Variants in SLC16A7 observed in about 807,000 individuals in gnomAD.
The protein encoded by SLC16A7 is solute carrier family 16 member 7, also known as monocarboxylate transporter 2.
SLC16A7 carries 33 observed loss-of-function variants against 34.9 expected under a neutral mutation model. The ratio of observed to expected loss-of-function variants is 0.94; its 90% CI spans 0.72 to 1.26. The LOEUF (loss-of-function observed/expected upper bound fraction) is 1.26. Ranked by LOEUF, SLC16A7 falls within the 50% of genes most tolerant of loss-of-function variation. SLC16A7 has a pLI of 0.00. For missense variants in SLC16A7, 573 were observed against 578.1 expected (o/e 0.99, Z 0.09); for synonymous variants, 201 against 206.6 (o/e 0.97, Z 0.23).
chr12:59,752,858 A>C (rs1472415957), intron 3 of SLC16A7, among the ~76,000 whole-genome samples: 1 of 152,258 alleles, frequency 6.6e-6, no homozygotes, highest in Non-Finnish European at 1.5e-5. Context: ...CCAGAGAGAA[A>C]GATCGGGTTA....
rs749765643 is a variant in SLC16A7 at position 59,771,241 on chromosome 12, GAATA to G, written c.245_248del (p.Lys82ThrfsTer7). 2.5e-6 allele frequency: 4 copies of G among 1,612,988 alleles called. No individual in the cohort carries two copies. Among genetic ancestry groups the G allele is most frequent in the Admixed American group, 1.7e-5 (1 of 59,876 alleles). On this transcript the variant is annotated frameshift_variant, in exon 4 of 6. Transcript: ENST00000547379. LOFTEE classifies it high-confidence loss of function. ...TAGGTCCTGTAAGTAGTGTTTTGGT[GAATA>G]AATACGGCAGCCGGCCGGTGGTGAT...
At chr12:59,672,528 T>C (rs1416655497) in intron 2 of SLC16A7, among the ~76,000 whole-genome samples, 1 of 151,982 alleles carries the variant, frequency 6.6e-6, no homozygotes, top group Non-Finnish European at 1.5e-5. Flanking sequence ...AGCAGGCTCA[T>C]TGTTTCACCA....
chr12:59,606,356 G>A (rs1878937324), intron 1 of SLC16A7, among the ~76,000 whole-genome samples: 1 of 152,184 alleles, frequency 6.6e-6, no homozygotes, highest in Non-Finnish European at 1.5e-5. Context: ...CCCTTTAGAT[G>A]TGATAGCGCA....
At chr12:59,762,962 A>G (rs759870329) in intron 3 of SLC16A7, among the ~76,000 whole-genome samples, 1 of 152,050 alleles carries the variant, frequency 6.6e-6, no homozygotes, top group Non-Finnish European at 1.5e-5. Context: ...AATTATTTTC[A>G]TGGGTTTAAG....
At chr12:59,744,243 AC>A (rs1014261576) in intron 3 of SLC16A7, among the ~76,000 whole-genome samples, 123 of 151,280 alleles carry the variant, frequency 8.1e-4, no homozygotes, top group African/African-American at 2.8e-3. Context: ...ACCACCCATA[AC>A]CCCCCACCCA....
At chr12:59,684,887 AG>A (rs1402619640) in intron 2 of SLC16A7, among the ~76,000 whole-genome samples, 1 of 152,134 alleles carries the variant, frequency 6.6e-6, no homozygotes, top group Non-Finnish European at 1.5e-5. Flanking sequence ...GGGGAGGCAA[AG>A]GGGGAAGAAA....
intron 2 of SLC16A7, among the ~76,000 whole-genome samples, chr12:59,669,767 A>G (rs1200590842): frequency 6.6e-6 from 1 of 152,166 alleles, no homozygotes; most frequent in East Asian, 1.9e-4. Context: ...AACCAAGCTT[A>G]AAGTCTCAGC....
intron 3 of SLC16A7, among the ~76,000 whole-genome samples, chr12:59,758,361 C>T (rs146414805): frequency 1.3e-5 from 2 of 152,146 alleles, no homozygotes; most frequent in African/African-American, 4.8e-5. Context: ...TGTATTTTCT[C>T]ATATGCTACT....
intron 1 of SLC16A7, among the ~76,000 whole-genome samples, chr12:59,604,595 A>G (rs923519279): frequency 6.6e-6 from 1 of 152,214 alleles, no homozygotes; most frequent in South Asian, 2.1e-4. Context: ...ACACTTCTAT[A>G]TTTAATACCT....
At chr12:59,651,701 C>G (rs1868345225) in intron 1 of SLC16A7, among the ~76,000 whole-genome samples, 1 of 152,156 alleles carries the variant, frequency 6.6e-6, no homozygotes. Flanking sequence ...AATGCCCTCA[C>G]ATTCTTCAAC....
chr12:59,659,263 A>T (rs1162724522), intron 2 of SLC16A7, among the ~76,000 whole-genome samples: 2 of 151,964 alleles, frequency 1.3e-5, no homozygotes, highest in Non-Finnish European at 2.9e-5. Context: ...ATATTTAAAA[A>T]TTTTTCTTAA....
Position 59,709,266 on chromosome 12 carries a change from G to A in SLC16A7, c.217+4248G>A, listed in dbSNP as rs539941008. Among the ~76,000 whole-genome samples the A allele has an allele frequency of 1.8e-3, 277 of 151,644 alleles. 4 individuals are homozygous for A. The highest frequency in any genetic ancestry group is 2.4e-3 in the Non-Finnish European group (166 of 67,988). ...TCAGCCATTCTGGAGAGAAGAATTG[G>A]CTTTGTCTCCATGGTAACTTATTTT... On this transcript the variant is annotated intron_variant, in intron 3 of 5. Transcript: ENST00000547379.
intron 1 of SLC16A7, among the ~76,000 whole-genome samples, chr12:59,633,788 C>T (rs1327019411): frequency 1.3e-5 from 2 of 151,950 alleles, no homozygotes; most frequent in Non-Finnish European, 2.9e-5. Context: ...AGGTGCTACA[C>T]TTTAAAACCA....
chr12:59,770,949 A>G (rs1882163009), intron 3 of SLC16A7, among the ~76,000 whole-genome samples: 1 of 152,152 alleles, frequency 6.6e-6, no homozygotes, highest in East Asian at 1.9e-4. Flanking sequence ...CTTTTCCATC[A>G]AGATTTGAAT....
At chr12:59,757,116 G>T (rs1880451940) in intron 3 of SLC16A7, among the ~76,000 whole-genome samples, 1 of 108,570 alleles carries the variant, frequency 9.2e-6, no homozygotes, top group Non-Finnish European at 1.7e-5. Context: ...TGGGGTGGGG[G>T]GAGGGGGGAG....
rs1386161483 is a variant in SLC16A7, at chr12:59,602,579, G to A, written c.-130+6343G>A. ...GCTCACTGCAACCACCACCTCCTGA[G>A]TTCAAGTGATTCTCCTGCCCCAGCC... On this transcript the variant is annotated intron_variant, in intron 1 of 5. Coordinates refer to ENST00000547379, the MANE Select transcript of SLC16A7 (RefSeq NM_001270623.2). Among the ~76,000 whole-genome samples the A allele has an allele frequency of 2.7e-5, 4 of 147,564 alleles. No homozygotes were observed. In the East Asian group the frequency reaches 8.2e-4, roughly 30 times the overall value.
chr12:59,691,266 G>A (rs1871614699), intron 2 of SLC16A7, among the ~76,000 whole-genome samples: 1 of 152,004 alleles, frequency 6.6e-6, no homozygotes, highest in African/African-American at 2.4e-5. Context: ...CAGCTCTGGA[G>A]CATCGATTCA....
chr12:59,740,429 G>C (rs1878172705), intron 3 of SLC16A7, among the ~76,000 whole-genome samples: 1 of 152,154 alleles, frequency 6.6e-6, no homozygotes, highest in Admixed American at 6.5e-5. Flanking sequence ...CCAGTACCAT[G>C]CTGTTTTGGT....
intron 2 of SLC16A7, among the ~76,000 whole-genome samples, chr12:59,683,858 T>TTATA: frequency 6.6e-6 from 1 of 152,274 alleles, no homozygotes. Flanking sequence ...AATAGTGATA[T>TTATA]AGTAAGTGAG....
Sources: allele counts gnomAD v4.1 joint callset (sites outside exome capture counted in the v4.1 genomes callset), GRCh38; gene constraint gnomAD v4.1.1; transcripts MANE v1.5; gene names NCBI Gene and HGNC (gene_info 2026-07-23, HGNC 2026-07-21).